PFKP: variants seen among roughly 807,000 people sequenced by gnomAD.
The protein encoded by PFKP is phosphofructokinase, platelet, also known as ATP-dependent 6-phosphofructokinase, platelet type.
PFKP carries 101 observed loss-of-function variants against 94.3 expected under a neutral mutation model. That is an observed-to-expected ratio of 1.07 (90% CI 0.91 to 1.26). The LOEUF (loss-of-function observed/expected upper bound fraction) is 1.26, where lower values mean the gene tolerates loss of function less well. PFKP is among the 50% of genes most tolerant of loss of function. The pLI is 0.00. For synonymous variants in PFKP, 573 were observed against 432.6 expected, an observed-to-expected ratio of 1.32 and a Z score of -4.03; for missense variants, 1,145 against 1,103.3, an observed-to-expected ratio of 1.04 and a Z score of -0.53.
At position 3,113,358 on chromosome 10, in the gene PFKP, C is replaced by T. The variant is rs944212372; in HGVS notation, c.1225-14C>T. The T allele has an allele frequency of 3.2e-6, 5 of 1,577,368 alleles. No homozygotes were observed. The highest frequency in any genetic ancestry group is 1.7e-5 in the Admixed American group (1 of 57,546). ...TGCCCGTGACCCAGCACTCACCTGC[C>T]TTCTGTTTTGCAGACCAATTGCAAC... On this transcript the variant is annotated splice_polypyrimidine_tract_variant and intron_variant, in intron 12 of 21. Transcript: ENST00000381125.
At chr10:3,111,757 C>T (rs754519893) in intron 10 of PFKP, among the ~76,000 whole-genome samples, 5 of 152,228 alleles carry the variant, frequency 3.3e-5, no homozygotes, top group South Asian at 2.1e-4. Context: ...GGCCTCCATC[C>T]GGGCCCCTCT....
At chr10:3,090,650 G>A (rs371434682) in intron 2 of PFKP, among the ~76,000 whole-genome samples, 8 of 151,952 alleles carry the variant, frequency 5.3e-5, no homozygotes, top group South Asian at 2.1e-4. Flanking sequence ...TTCTTGGTGG[G>A]CGGTCCTTTG....
At chr10:3,100,822 G>A (rs1034327142) in intron 3 of PFKP, 2 of 624,140 alleles carry the variant, frequency 3.2e-6, no homozygotes, top group Non-Finnish European at 5.5e-6. Flanking sequence ...TTAAGATCCT[G>A]AAGATATAGC....
intron 2 of PFKP, among the ~76,000 whole-genome samples, chr10:3,083,567 T>C (rs1234085913): frequency 6.6e-6 from 1 of 152,210 alleles, no homozygotes; most frequent in Non-Finnish European, 1.5e-5. Flanking sequence ...AAACACGTTC[T>C]GTATACTGTG....
Position 3,132,385 on chromosome 10 carries a change from C to A in PFKP, c.1854C>A (p.Asn618Lys). The A allele has an allele frequency of 6.2e-7, 1 of 1,609,018 alleles. No individual in the cohort carries two copies. The highest frequency in any genetic ancestry group is 8.5e-7 in the Non-Finnish European group (1 of 1,175,362). ...AACAAAATACTCTCTTCCAGTCCAA[C>A]GTGGAGCACCTGACGGAGAAAATGA... ...EPFDIRDLQS[N>K]VEHLTEKMKT... Residue 618 changes from asparagine to lysine, a missense_variant, in exon 18 of 22, where the codon AAC (asparagine) becomes AAA (lysine). By Grantham distance (94) the Asn-to-Lys change is moderately conservative. This residue lies in a region of PFKP where 1,119 missense variants were observed against 1,062.8 expected (regional missense o/e 1.05). Coordinates refer to ENST00000381125, the MANE Select transcript of PFKP (RefSeq NM_002627.5).
At chr10:3,102,112 G>C (rs1026977779) in intron 4 of PFKP, among the ~76,000 whole-genome samples, 1 of 149,904 alleles carries the variant, frequency 6.7e-6, no homozygotes, top group Admixed American at 6.6e-5. Flanking sequence ...TTAGCCGGGC[G>C]TAGTGGCGGG....
intron 13 of PFKP, among the ~76,000 whole-genome samples, chr10:3,115,788 G>A (rs985909361): frequency 6.6e-6 from 1 of 152,168 alleles, no homozygotes; most frequent in African/African-American, 2.4e-5. Flanking sequence ...ATTCCTCAGG[G>A]CGCCATTGTT....
chr10:3,108,253 G>A (rs144623752), intron 8 of PFKP, among the ~76,000 whole-genome samples: 27 of 152,324 alleles, frequency 1.8e-4, no homozygotes, highest in African/African-American at 2.2e-4. Context: ...CCAGATCACC[G>A]GGCCGGTGTG....
intron 5 of PFKP, chr10:3,104,863 A>C (rs1393968849): frequency 8.9e-6 from 5 of 564,398 alleles, no homozygotes; most frequent in African/African-American, 1.9e-5. Context: ...AAGGTGTCCA[A>C]CGTGCAACTG....
In PFKP at chr10:3,099,319, C is replaced by A. The variant is rs145530054; in HGVS notation, c.231C>A (p.Ala77=). The A allele has an allele frequency of 1.9e-6, 3 of 1,614,090 alleles. No homozygotes were observed. Among genetic ancestry groups the A allele is most frequent in the African/African-American group, 2.7e-5 (2 of 75,028 alleles). ...ACGGAGGCTCAAACATCGCAGAGGC[C>A]GACTGGGAGAGTGTCTCCAGCATCC... The part of the protein sequence containing the change: ...MVDGGSNIAE[A]DWESVSSILQ... The change falls in exon 3 of 22, where the codon GCC becomes GCA. Residue 77 remains alanine, a synonymous_variant. Coordinates refer to ENST00000381125, the MANE Select transcript of PFKP (RefSeq NM_002627.5).
At chr10:3,084,489 T>A in intron 2 of PFKP, among the ~76,000 whole-genome samples, 1 of 152,200 alleles carries the variant, frequency 6.6e-6, no homozygotes, top group African/African-American at 2.4e-5. Flanking sequence ...GTTACGTGGT[T>A]ATTGTTTGTA....
chr10:3,072,862 C>T (rs1044985510), intron 1 of PFKP, among the ~76,000 whole-genome samples: 2 of 152,048 alleles, frequency 1.3e-5, no homozygotes, highest in South Asian at 2.1e-4. Context: ...CCAGATTGCA[C>T]GTTCACAATG....
chr10:3,070,131 G>T (rs1285180657), intron 1 of PFKP: 1 of 151,834 alleles, frequency 6.6e-6, no homozygotes, highest in Non-Finnish European at 1.5e-5. Flanking sequence ...CGGGTCGCCT[G>T]GGCACTCTTT....
intron 14 of PFKP, 67 bp downstream of exon 14, chr10:3,116,913 G>C: frequency 8.0e-7 from 1 of 1,246,896 alleles, no homozygotes. Context: ...TTCTGGGAGA[G>C]AATCGCTGGG....
intron 1 of PFKP, among the ~76,000 whole-genome samples, chr10:3,075,844 G>A (rs1832533053): frequency 1.3e-5 from 2 of 148,504 alleles, no homozygotes; most frequent in South Asian, 2.2e-4. Flanking sequence ...GTTGGAGGCC[G>A]CAGTGAGCTG....
chr10:3,092,200 C>T (rs1834098823), intron 2 of PFKP, among the ~76,000 whole-genome samples: 1 of 152,058 alleles, frequency 6.6e-6, no homozygotes, highest in Non-Finnish European at 1.5e-5. Flanking sequence ...CCCTTCTGAG[C>T]TTGAAATATC....
chr10:3,100,876 A>AT, intron 3 of PFKP: 1 of 1,164,936 alleles, frequency 8.6e-7, no homozygotes, highest in African/African-American at 1.6e-5. Context: ...AAAAAAAAAA[A>AT]AAAAAATCCC....
rs771291437 is a variant in PFKP at position 3,129,878 on chromosome 10, G to A, written c.1743G>A (p.Glu581=). The A allele has an allele frequency of 1.9e-6, 3 of 1,613,710 alleles. No homozygotes were observed. The highest frequency in any genetic ancestry group is 1.7e-4 in the Middle Eastern group (1 of 6,060). ...CCAAGCGGCGCGTGTTCATCATCGA[G>A]ACCATGGGCGGCTACTGTGGCTACC... is the stretch of plus-strand genomic sequence containing the variant. ...SGTKRRVFII[E]TMGGYCGYLA... is the part of the protein sequence containing the mutation. Residue 581 remains glutamate (E), a synonymous_variant, in exon 17 of 22, where the codon GAG becomes GAA. Transcript: ENST00000381125.
chr10:3,071,293 C>T (rs891237251), intron 1 of PFKP, among the ~76,000 whole-genome samples: 1 of 152,058 alleles, frequency 6.6e-6, no homozygotes, highest in African/African-American at 2.4e-5. Flanking sequence ...TTATAAGATA[C>T]AATTGAAAAT....
Sources: allele counts gnomAD v4.1 joint callset (sites outside exome capture counted in the v4.1 genomes callset), GRCh38; gene constraint gnomAD v4.1.1; regional missense constraint gnomAD v4.1.1; transcripts MANE v1.5; gene names NCBI Gene and HGNC (gene_info 2026-07-23, HGNC 2026-07-21).